The following ARSG variants were observed in gnomAD, a reference collection of about 807,000 sequenced individuals.
ARSG encodes ASG.
In ARSG, 37 loss-of-function variants were observed where a neutral mutation model predicts 50.5. The observed-to-expected ratio is 0.73, with a 90% CI of 0.56 to 0.96. The LOEUF is 0.96. Ranked by LOEUF, ARSG falls within the 50% of genes least tolerant of loss-of-function variation. The pLI, the probability that ARSG is intolerant of heterozygous loss-of-function variation, is 0.00. For missense variants in ARSG, 629 were observed against 675.3 expected (o/e 0.93, Z 0.76); for synonymous variants, 225 against 254.6 (o/e 0.88, Z 1.11).
At chr17:68,448,287 C>T in the ARSG span, 1 of 152,148 alleles carries the variant, frequency 6.6e-6, no homozygotes, top group Admixed American at 6.6e-5. Context: ...AAAAGCAAAC[C>T]CCCAATACTT....
At chr17:68,445,795 G>A in the ARSG span, among the ~76,000 whole-genome samples, 3 of 152,282 alleles carry the variant, frequency 2.0e-5, no homozygotes, top group South Asian at 6.2e-4. Flanking sequence ...GCAGCTCCTC[G>A]CACATCTGAG....
In ARSG at chr17:68,343,609, T is replaced by C; in HGVS notation, c.224T>C (p.Val75Ala). 1 of 1,608,058 alleles carries C rather than the reference T, an allele frequency of 6.2e-7. No individual in the cohort carries two copies. The highest frequency in any genetic ancestry group is 8.5e-7 in the Non-Finnish European group (1 of 1,176,182). ...CCACTGTCCTTTCCCTGCAGGTTTG[T>C]GGATTTCCATGCAGCTGCCTCCACC... ...DKMASEGMRF[V>A]DFHAAASTCS... Residue 75 changes from valine to alanine, a missense_variant, in exon 3 of 12, where the codon GTG becomes GCG. Physicochemically the swap from Val to Ala is moderately conservative, Grantham distance 64. Coordinates refer to ENST00000621439, the MANE Select transcript of ARSG (RefSeq NM_001267727.2).
intron 11 of ARSG, among the ~76,000 whole-genome samples, chr17:68,404,217 T>C (rs551242025): frequency 1.4e-4 from 22 of 152,206 alleles, no homozygotes; most frequent in Non-Finnish European, 2.9e-4. Context: ...CCTTTGGGTG[T>C]ATACCCAGTA....
At chr17:68,349,197 C>T (rs2078642972) in intron 4 of ARSG, among the ~76,000 whole-genome samples, 1 of 151,972 alleles carries the variant, frequency 6.6e-6, no homozygotes, top group Non-Finnish European at 1.5e-5. Flanking sequence ...ATTTGGGAGG[C>T]TGAGGCAGGG....
In ARSG at chr17:68,370,476, C is replaced by G. The variant is rs772499011; in HGVS notation, c.934C>G (p.Leu312Val). ...TGGCCCGTGGGCTCAGAAGTGTGAG[C>G]TAGCGGGCAGTGTGGGTCCCTTCAC... is the stretch of plus-strand genomic sequence containing the variant. ...DNGPWAQKCE[L>V]AGSVGPFTGF... Residue 312 changes from leucine (L) to valine (V), a missense_variant, in exon 8 of 12, where the codon CTA becomes GTA. Physicochemically the swap from Leu to Val is conservative, Grantham distance 32 (BLOSUM62 1). Coordinates refer to ENST00000621439, the MANE Select transcript of ARSG (RefSeq NM_001267727.2). The G allele has an allele frequency of 9.3e-6, 15 of 1,613,984 alleles. No individual in the cohort carries two copies. The Admixed American group carries it at 1.3e-4, about 14-fold the overall frequency.
chr17:68,385,200 T>C, intron 9 of ARSG, 28 bp downstream of exon 9: 1 of 1,601,238 alleles, frequency 6.2e-7, no homozygotes. Flanking sequence ...CCTTGAGATG[T>C]TGGGGCCCAG....
the ARSG span, among the ~76,000 whole-genome samples, chr17:68,435,234 C>T: frequency 0.011 from 1,621 of 151,580 alleles, 32 homozygotes; most frequent in African/African-American, 0.037. Context: ...TCAATTGGAT[C>T]ACTTTCTCTG....
the ARSG span, among the ~76,000 whole-genome samples, chr17:68,435,949 C>T: frequency 6.6e-6 from 1 of 152,244 alleles, no homozygotes; most frequent in African/African-American, 2.4e-5. Flanking sequence ...TGGCCACGAA[C>T]GGAGCACCTG....
the ARSG span, among the ~76,000 whole-genome samples, chr17:68,432,246 G>T: frequency 6.6e-6 from 1 of 152,080 alleles, no homozygotes; most frequent in East Asian, 1.9e-4. Flanking sequence ...AGAGATGAGG[G>T]GACGTCAGTC....
chr17:68,303,926 C>G (rs1019556552), intron 1 of ARSG, among the ~76,000 whole-genome samples: 2 of 152,218 alleles, frequency 1.3e-5, no homozygotes, highest in Non-Finnish European at 2.9e-5. Context: ...CAGTGGTCTG[C>G]TGGCTAGATT....
At chr17:68,314,376 A>C (rs1024335282) in intron 2 of ARSG, among the ~76,000 whole-genome samples, 4 of 152,084 alleles carry the variant, frequency 2.6e-5, no homozygotes, top group Admixed American at 6.5e-5. Flanking sequence ...AAAATACAAA[A>C]GTAGCCAGGC....
chr17:68,375,461 G>T (rs1255551020), intron 8 of ARSG, among the ~76,000 whole-genome samples: 2 of 152,192 alleles, frequency 1.3e-5, no homozygotes, highest in Non-Finnish European at 2.9e-5. Context: ...CAAGTCCTTT[G>T]GGCGATAATG....
At chr17:68,393,760 A>C (rs1240658906) in intron 9 of ARSG, among the ~76,000 whole-genome samples, 1 of 151,436 alleles carries the variant, frequency 6.6e-6, no homozygotes, top group Non-Finnish European at 1.5e-5. Context: ...CCAACTACTT[A>C]GGAGGCTGAT....
At chr17:68,376,589 C>G (rs1432694229) in intron 8 of ARSG, among the ~76,000 whole-genome samples, 1 of 151,970 alleles carries the variant, frequency 6.6e-6, no homozygotes, top group African/African-American at 2.4e-5. Context: ...CTGCACCTGT[C>G]CTATGCCTAG....
At chr17:68,337,205 T>C (rs1329846464) in intron 2 of ARSG, among the ~76,000 whole-genome samples, 1 of 152,026 alleles carries the variant, frequency 6.6e-6, no homozygotes, top group Non-Finnish European at 1.5e-5. Flanking sequence ...AGCCCTGGAT[T>C]ATTGCGTTTA....
intron 4 of ARSG, among the ~76,000 whole-genome samples, chr17:68,350,507 C>T (rs78390662): frequency 0.019 from 2,903 of 151,998 alleles, 69 homozygotes; most frequent in African/African-American, 0.049. Context: ...TGGGCTGGGC[C>T]GGGCGCGGTG....
At chr17:68,451,028 T>C in the ARSG span, 1 of 1,294,132 alleles carries the variant, frequency 7.7e-7, no homozygotes, top group Admixed American at 3.0e-5. Context: ...AGGCGCCCTC[T>C]CTGAGCTTGC....
At chr17:68,405,315 T>C (rs1320014812) in intron 11 of ARSG, among the ~76,000 whole-genome samples, 1 of 152,146 alleles carries the variant, frequency 6.6e-6, no homozygotes, top group Non-Finnish European at 1.5e-5. Flanking sequence ...AGTCTTCCAA[T>C]CCATGAACAT....
At chr17:68,370,635 T>C in intron 8 of ARSG, 111 bp downstream of exon 8, 1 of 936,696 alleles carries the variant, frequency 1.1e-6, no homozygotes, top group South Asian at 1.5e-5. Flanking sequence ...CTTAGGGTCA[T>C]CATTGTGAAA....
Sources: allele counts gnomAD v4.1 joint callset (sites outside exome capture counted in the v4.1 genomes callset), GRCh38; gene constraint gnomAD v4.1.1; transcripts MANE v1.5; gene names NCBI Gene and HGNC (gene_info 2026-07-23, HGNC 2026-07-21).